NOTCH1: variants seen among roughly 807,000 people sequenced by gnomAD.
NOTCH1 encodes neurogenic locus notch homolog protein 1.
A neutral mutation model predicts 254.8 loss-of-function variants in NOTCH1; 37 were observed. The observed-to-expected ratio is 0.15, with a 90% CI of 0.11 to 0.19. The LOEUF is 0.19. Ranked by LOEUF, NOTCH1 falls within the 10% of genes least tolerant of loss-of-function variation. NOTCH1 has a pLI of 1.00. For missense variants in NOTCH1, 2,972 were observed against 3,708.6 expected (o/e 0.80, Z 5.16); for synonymous variants, 1,731 against 1,618.1 (o/e 1.07, Z -1.68).
chr9:136,543,692 T>C, intron 2 of NOTCH1: 2 of 463,912 alleles, frequency 4.3e-6, no homozygotes, highest in Non-Finnish European at 8.0e-6. Flanking sequence ...TCTCAGTAAA[T>C]GGTCCAGAGC....
chr9:136,504,376 G>A (rs1268147721), intron 26 of NOTCH1, among the ~76,000 whole-genome samples: 3 of 152,202 alleles, frequency 2.0e-5, no homozygotes, highest in Non-Finnish European at 4.4e-5. Flanking sequence ...CAGTGCCTAA[G>A]GCACAGCTCA....
chr9:136,544,456 C>T lies in NOTCH1; in HGVS notation c.62-354G>A, dbSNP rs150301411. Among the ~76,000 whole-genome samples, 273 of 152,274 alleles carry T rather than the reference C, an allele frequency of 1.8e-3. 2 individuals carry two copies. The highest frequency in any genetic ancestry group is 5.8e-3 in the African/African-American group (241 of 41,556). On this transcript the variant is annotated intron_variant, in intron 1 of 33. Transcript: ENST00000651671. ...GGGCTACTCTCCAAAGCGTTGCCCCCCACCCTGGAGGCTCACTGAGGAGTC... is the reference window on the plus strand; with the variant it reads ...GGGCTACTCTCCAAAGCGTTGCCCCTCACCCTGGAGGCTCACTGAGGAGTC...
chr9:136,508,868 A>G lies in NOTCH1; in HGVS notation c.3171+2T>C. 6.5e-7 allele frequency: 1 copy of G among 1,543,210 alleles called. No individual in the cohort carries two copies. The highest frequency in any genetic ancestry group is 8.7e-7 in the Non-Finnish European group (1 of 1,142,864). ...GGGCACCTCTGTGGCCGGCGCACTC[A>G]CCTGGCAGTTGGGGCCAGTGTAGCC... On this transcript the variant is annotated splice_donor_variant, in intron 19 of 33. Coordinates refer to ENST00000651671, the MANE Select transcript of NOTCH1 (RefSeq NM_017617.5). LOFTEE classifies it high-confidence loss of function.
At position 136,511,228 on chromosome 9, in the gene NOTCH1, G is replaced by A. The variant is rs201521828; in HGVS notation, c.2511C>T (p.Pro837=). The A allele has an allele frequency of 8.7e-6, 14 of 1,612,646 alleles. No individual in the cohort carries two copies. Among genetic ancestry groups the A allele is most frequent in the Middle Eastern group, 3.3e-4 (2 of 6,082 alleles). ...EVVLAPCAPS[P]CRNGGECRQS... is the part of the protein sequence containing the mutation. ...GCCTGCACTCCCCGCCGTTTCTGCAGGGGCTGGGGGCACACGGGGCCAGCA... is the reference window on the plus strand; with the variant it reads ...GCCTGCACTCCCCGCCGTTTCTGCAAGGGCTGGGGGCACACGGGGCCAGCA... Residue 837 remains proline, a synonymous_variant, in exon 16 of 34, where the codon CCC becomes CCT. Transcript: ENST00000651671.
chr9:136,544,030 G>A lies in NOTCH1; in HGVS notation c.134C>T (p.Ala45Val). 2 of 1,572,128 alleles carry A rather than the reference G, an allele frequency of 1.3e-6. No homozygotes were observed. Among genetic ancestry groups the A allele is most frequent in the Non-Finnish European group, 1.7e-6 (2 of 1,159,608 alleles). The change falls in exon 2 of 34, where the codon GCC (alanine) becomes GTC (valine). Residue 45 changes from alanine to valine, a missense_variant. This residue lies in a region of NOTCH1 where 374 missense variants were observed against 496.3 expected (regional missense o/e 0.75). Transcript: ENST00000651671. ...CCGCAGGGGTGGTACTCACACGCAG[G>A]CCTCCGTGCCATTGGCCGCTTCACA... ...GKCEAANGTEACVCGGAFVGP... is the reference protein window; with the variant it reads ...GKCEAANGTEVCVCGGAFVGP...
In NOTCH1 at chr9:136,499,519, A is replaced by C. The variant is rs1230437913; in HGVS notation, c.5935-260T>G. ...ATCGTGACCACGTGTGGCCTCATTT[A>C]ATCCTCACTGTGGTCCTAGCTGCCA... On this transcript the variant is annotated intron_variant, in intron 31 of 33. Transcript: ENST00000651671. Among the ~76,000 whole-genome samples the C allele has an allele frequency of 2.6e-5, 4 of 152,206 alleles. No homozygotes were observed. In the East Asian group the frequency reaches 7.7e-4, roughly 29 times the overall value.
In NOTCH1 at chr9:136,496,975, A is replaced by T; in HGVS notation, c.6764T>A (p.Met2255Lys). The change falls in exon 34 of 34, where the codon ATG becomes AAG. Residue 2255 changes from methionine (M) to lysine (K), a missense_variant. Coordinates refer to ENST00000651671, the MANE Select transcript of NOTCH1 (RefSeq NM_017617.5). ...GHLNVAAKPE[M>K]AALGGGGRLA... ...CCGGCCGCCCCCACCCAGCGCCGCC[A>T]TCTCGGGCTTGGCCGCCACGTTCAG... 6.2e-7 allele frequency: 1 copy of T among 1,610,830 alleles called. No individual in the cohort carries two copies.
chr9:136,508,511 G>A, intron 19 of NOTCH1, 126 bp from the exon 20 acceptor site: 1 of 1,355,310 alleles, frequency 7.4e-7, no homozygotes, highest in Non-Finnish European at 1.0e-6. Flanking sequence ...AGTGGAAACT[G>A]CCGCCCCTGG....
intron 33 of NOTCH1, among the ~76,000 whole-genome samples, chr9:136,498,180 C>G (rs1459245889): frequency 1.3e-5 from 2 of 151,434 alleles, no homozygotes; most frequent in East Asian, 1.9e-4. Flanking sequence ...GCTGTGTGCC[C>G]TCACCCAGGA....
At position 136,502,045 on chromosome 9, in the gene NOTCH1, G is replaced by C. The variant is rs2133329938; in HGVS notation, c.5428C>G (p.Gln1810Glu). The part of the protein sequence containing the change: ...ASDGALMDDN[Q>E]NEWGDEDLET... Reference sequence around the variant, plus strand: ...AGGTCCTCGTCCCCCCACTCATTCTGGTTGTCGTCCATGAGGGCACCGTCT... The same window carrying C: ...AGGTCCTCGTCCCCCCACTCATTCTCGTTGTCGTCCATGAGGGCACCGTCT... Residue 1810 changes from glutamine (Q) to glutamate (E), a missense_variant, in exon 29 of 34, where the codon CAG becomes GAG. Around this residue, in one of 8 missense-constraint regions of NOTCH1, gnomAD observed 421 missense variants for 604.4 expected, o/e 0.70. Coordinates refer to ENST00000651671, the MANE Select transcript of NOTCH1 (RefSeq NM_017617.5). 6.2e-7 allele frequency: 1 copy of C among 1,613,358 alleles called. No individual in the cohort carries two copies. The highest frequency in any genetic ancestry group is 8.5e-7 in the Non-Finnish European group (1 of 1,179,966).
intron 2 of NOTCH1, 67 bp from the exon 3 acceptor site, chr9:136,524,046 CG>C: frequency 6.5e-7 from 1 of 1,527,684 alleles, no homozygotes. Flanking sequence ...CACTCAGCAC[CG>C]GGAACCTGTC....
At chr9:136,499,718 G>A (rs573780513) in intron 31 of NOTCH1, among the ~76,000 whole-genome samples, 19 of 152,310 alleles carry the variant, frequency 1.2e-4, no homozygotes, top group Non-Finnish European at 2.4e-4. Context: ...CTTGGCATCT[G>A]GCAGGAGGAA....
intron 4 of NOTCH1, among the ~76,000 whole-genome samples, chr9:136,522,276 C>G (rs542849997): frequency 1.3e-4 from 20 of 152,290 alleles, no homozygotes; most frequent in Middle Eastern, 3.4e-3. Flanking sequence ...CACGCGCGGC[C>G]GAGACTGGAG....
chr9:136,518,070 A>G, intron 7 of NOTCH1, 67 bp downstream of exon 7: 1 of 1,551,684 alleles, frequency 6.4e-7, no homozygotes, highest in Non-Finnish European at 8.7e-7. Context: ...GCCAGAATCG[A>G]CTTCTCATCG....
chr9:136,520,964 C>A (rs1016789830), intron 4 of NOTCH1, among the ~76,000 whole-genome samples: 6 of 152,184 alleles, frequency 3.9e-5, no homozygotes, highest in African/African-American at 1.4e-4. Flanking sequence ...AGCGACCCCA[C>A]GAGGAGACAG....
At chr9:136,544,823 C>T (rs889444410) in intron 1 of NOTCH1, among the ~76,000 whole-genome samples, 1 of 151,948 alleles carries the variant, frequency 6.6e-6, no homozygotes, top group Admixed American at 6.5e-5. Context: ...GAAGGTCCCC[C>T]ATTCGGAAGG....
At position 136,523,044 on chromosome 9, in the gene NOTCH1, C is replaced by A. The variant is rs1843399789; in HGVS notation, c.548G>T (p.Gly183Val). 1 of 1,559,124 alleles carries A rather than the reference C, an allele frequency of 6.4e-7. No homozygotes were observed. Among genetic ancestry groups the A allele is most frequent in the African/African-American group, 1.4e-5 (1 of 73,514 alleles). ...GTGGCGGCAAAGCCCGGGCTTCTGG[C>A]CACACTCGTTGACATCCTGCCGGCA... ...PTCRQDVNEC[G>V]QKPGLCRHGG... The change falls in exon 4 of 34, where the codon GGC (glycine) becomes GTC (valine). Residue 183 changes from glycine (G) to valine (V), a missense_variant. By Grantham distance (109) the Gly-to-Val change is moderately radical. Transcript: ENST00000651671.
rs752963783 is a variant in NOTCH1 at position 136,501,965 on chromosome 9, C to G, written c.5472+36G>C. On this transcript the variant is annotated intron_variant, in intron 29 of 33. Transcript: ENST00000651671. ...GTCAGGGCAGCCCGGCAGCAGGTGC[C>G]CGGGAGCCCAGGAGCCCGGGAGCCT... 10 of 1,611,586 alleles carry G rather than the reference C, an allele frequency of 6.2e-6. No individual in the cohort carries two copies. In the African/African-American group the frequency reaches 1.2e-4, roughly 19 times the overall value.
At position 136,511,697 on chromosome 9, in the gene NOTCH1, C is replaced by CCG. The variant is rs537192754; in HGVS notation, c.2468-428_2468-427dup. 2.6e-4 allele frequency among the ~76,000 whole-genome samples: 39 copies of CCG among 152,342 alleles called. 1 individual carries two copies. In the South Asian group the frequency reaches 7.7e-3, roughly 30 times the overall value. On this transcript the variant is annotated intron_variant, in intron 15 of 33. Coordinates refer to ENST00000651671, the MANE Select transcript of NOTCH1 (RefSeq NM_017617.5). ...GACGAGGAAAGGCCCTGGCCTGAGA[C>CCG]CGAGGCCTGAAACTAATCCTGGGGC...
Sources: allele counts gnomAD v4.1 joint callset (sites outside exome capture counted in the v4.1 genomes callset), GRCh38; gene constraint gnomAD v4.1.1; regional missense constraint gnomAD v4.1.1; transcripts MANE v1.5; gene names NCBI Gene and HGNC (gene_info 2026-07-23, HGNC 2026-07-21).